Variants in MKRN2 observed in about 807,000 individuals in gnomAD.
MKRN2 encodes E3 ubiquitin-protein ligase makorin-2.
In MKRN2, 32 loss-of-function variants were observed where a neutral mutation model predicts 45.4. That is an observed-to-expected ratio of 0.70 (90% CI 0.53 to 0.95). The LOEUF (loss-of-function observed/expected upper bound fraction) is 0.95, where lower values mean the gene tolerates loss of function less well. MKRN2 is among the 40% of genes least tolerant of loss of function. MKRN2 has a pLI of 0.00. For synonymous variants in MKRN2, 206 were observed against 192.4 expected (o/e 1.07, Z -0.59); for missense variants, 526 against 536.7 (o/e 0.98, Z 0.20).
Position 12,575,014 on chromosome 3 carries a change from C to A in MKRN2, c.857+8C>A. The stretch of plus-strand genomic sequence containing the variant: ...TGAAAACCCAATCATTAAGTAAGTA[C>A]AGCCAGGGGTCTTAGCTGTGGGAGC... On this transcript the variant is annotated splice_region_variant and intron_variant, in intron 5 of 7. Coordinates refer to ENST00000170447, the MANE Select transcript of MKRN2 (RefSeq NM_014160.5). 2 of 1,611,106 alleles carry A rather than the reference C, an allele frequency of 1.2e-6. No homozygotes were observed. Among genetic ancestry groups the A allele is most frequent in the Non-Finnish European group, 1.7e-6 (2 of 1,177,306 alleles).
chr3:12,573,130 G>T (rs1043875373), intron 4 of MKRN2, among the ~76,000 whole-genome samples: 4 of 152,126 alleles, frequency 2.6e-5, no homozygotes, highest in African/African-American at 9.7e-5. Context: ...GGAGCCACTT[G>T]TTGGAAGGGC....
At chr3:12,568,598 A>G (rs2058082021) in intron 1 of MKRN2, among the ~76,000 whole-genome samples, 1 of 152,226 alleles carries the variant, frequency 6.6e-6, no homozygotes, top group Non-Finnish European at 1.5e-5. Flanking sequence ...TGTGGCTCAC[A>G]TTGAACATAT....
At chr3:12,579,290 G>A (rs1473910182) in intron 6 of MKRN2, among the ~76,000 whole-genome samples, 1 of 152,030 alleles carries the variant, frequency 6.6e-6, no homozygotes, top group Non-Finnish European at 1.5e-5. Flanking sequence ...TCAGCCTCCC[G>A]AGTAGCTGGG....
intron 6 of MKRN2, among the ~76,000 whole-genome samples, chr3:12,579,822 C>G (rs1316887546): frequency 1.3e-5 from 2 of 152,068 alleles, no homozygotes; most frequent in Non-Finnish European, 2.9e-5. Context: ...AGGTTGGGGC[C>G]AGGCGCAGTG....
At chr3:12,557,869 A>G (rs1424463305) in intron 1 of MKRN2, among the ~76,000 whole-genome samples, 2 of 152,244 alleles carry the variant, frequency 1.3e-5, no homozygotes, top group African/African-American at 4.8e-5. Flanking sequence ...ACGAGGAGAA[A>G]TGCGACGGTA....
Position 12,572,097 on chromosome 3 carries a change from C to T in MKRN2, c.366C>T (p.Thr122=). 6.2e-7 allele frequency: 1 copy of T among 1,611,444 alleles called. No individual in the cohort carries two copies. Among genetic ancestry groups the T allele is most frequent in the Non-Finnish European group, 8.5e-7 (1 of 1,178,552 alleles). The part of the protein sequence containing the change: ...RNLSGMAERK[T]QPSMVSNPGS... ...TCTCTGGCATGGCTGAAAGGAAGAC[C>T]CAGCCGAGCATGGTGAGTAATCCAG... Residue 122 remains threonine (T), a synonymous_variant, in exon 4 of 8, where the codon ACC becomes ACT. Coordinates refer to ENST00000170447, the MANE Select transcript of MKRN2 (RefSeq NM_014160.5).
chr3:12,575,448 C>G (rs941286273), intron 5 of MKRN2, among the ~76,000 whole-genome samples: 1 of 152,176 alleles, frequency 6.6e-6, no homozygotes, highest in Admixed American at 6.5e-5. Flanking sequence ...ATGCCTGGCA[C>G]ATGGGATGTG....
Position 12,572,337 on chromosome 3 carries a change from C to A in MKRN2, c.606C>A (p.His202Gln). 6.3e-7 allele frequency: 1 copy of A among 1,599,214 alleles called. No homozygotes were observed. ...AAATCTGTAGGCTGCAAGTCTTGCACCCATTCGACCCAGAGCAGAGGAAGG... is the reference window on the plus strand; with the variant it reads ...AAATCTGTAGGCTGCAAGTCTTGCAACCATTCGACCCAGAGCAGAGGAAGG... ...VCEICRLQVL[H>Q]PFDPEQRKAH... The change falls in exon 4 of 8, where the codon CAC (histidine) becomes CAA (glutamine). Residue 202 changes from histidine (H) to glutamine (Q), a missense_variant. Physicochemically the swap from His to Gln is conservative, Grantham distance 24. Transcript: ENST00000170447.
At position 12,561,126 on chromosome 3, in the gene MKRN2, ATGG is replaced by A. The variant is rs1392024638; in HGVS notation, c.26+3955_26+3957del. On this transcript the variant is annotated intron_variant, in intron 1 of 7. Transcript: ENST00000170447. The stretch of plus-strand genomic sequence containing the variant: ...ATACTTTCCTTTCTTGAAGGCAGTG[ATGG>A]TGGTCTAGAAATTATTTTTGAATCT... The A allele has an allele frequency of 3.9e-5, 6 of 152,322 alleles. No homozygotes were observed. The South Asian group carries it at 1.0e-3, about 26-fold the overall frequency. 9.4% of individuals were successfully genotyped at this position (152,322 alleles called of 1,614,324 possible).
rs200877703 is a variant in MKRN2 at position 12,568,901 on chromosome 3, A to C, written c.53A>C (p.Glu18Ala). ...TATTTTATGCATGGTGTGTGTCGGGAAGGAAGTCAGTGCCTATTCTCACAT... is the reference window on the plus strand; with the variant it reads ...TATTTTATGCATGGTGTGTGTCGGGCAGGAAGTCAGTGCCTATTCTCACAT... ...CRYFMHGVCREGSQCLFSHDL... is the reference protein window; with the variant it reads ...CRYFMHGVCRAGSQCLFSHDL... Residue 18 changes from glutamate to alanine, a missense_variant, in exon 2 of 8, where the codon GAA becomes GCA. Glu to Ala is a moderately radical substitution (Grantham distance 107). Transcript: ENST00000170447. 13 of 1,613,942 alleles carry C rather than the reference A, an allele frequency of 8.1e-6. No individual in the cohort carries two copies. In the Admixed American group the frequency reaches 2.2e-4, roughly 27 times the overall value.
At chr3:12,566,632 C>T (rs551142467) in intron 1 of MKRN2, among the ~76,000 whole-genome samples, 6 of 152,046 alleles carry the variant, frequency 3.9e-5, no homozygotes, top group East Asian at 1.9e-4. Context: ...GGTGGAGTTT[C>T]GCTCTTATTG....
chr3:12,558,469 C>T (rs1239378713), intron 1 of MKRN2, among the ~76,000 whole-genome samples: 3 of 152,194 alleles, frequency 2.0e-5, no homozygotes, highest in Non-Finnish European at 2.9e-5. Flanking sequence ...TTCCTCCCCT[C>T]GCTCTATGGT....
chr3:12,571,623 A>G (rs2058100086), intron 3 of MKRN2, among the ~76,000 whole-genome samples: 1 of 152,190 alleles, frequency 6.6e-6, no homozygotes, highest in Admixed American at 6.5e-5. Context: ...TGGCCTCAGG[A>G]CCCACAGATT....
intron 1 of MKRN2, among the ~76,000 whole-genome samples, chr3:12,566,458 C>T (rs1040253768): frequency 6.6e-6 from 1 of 150,704 alleles, no homozygotes; most frequent in Admixed American, 6.6e-5. Context: ...GTTTGTTTCT[C>T]TCTCTCTCTC....
chr3:12,575,524 G>A (rs574664426), intron 5 of MKRN2, among the ~76,000 whole-genome samples: 2 of 152,336 alleles, frequency 1.3e-5, no homozygotes, highest in South Asian at 2.1e-4. Flanking sequence ...GGCATGTGGA[G>A]AGGTTACTGC....
intron 1 of MKRN2, among the ~76,000 whole-genome samples, chr3:12,559,664 C>T (rs2058019731): frequency 6.6e-6 from 1 of 152,138 alleles, no homozygotes; most frequent in African/African-American, 2.4e-5. Context: ...AAAATGACTG[C>T]TCGTACAGTT....
chr3:12,559,667 G>A (rs1002013789), intron 1 of MKRN2, among the ~76,000 whole-genome samples: 1 of 152,050 alleles, frequency 6.6e-6, no homozygotes, highest in Non-Finnish European at 1.5e-5. Context: ...ATGACTGCTC[G>A]TACAGTTATG....
In MKRN2 at chr3:12,573,624, T is replaced by G. The variant is rs557667849; in HGVS notation, c.643-1168T>G. Reference sequence around the variant, plus strand: ...TTTATTTTATTTTGGCTGGGCACAGTGGCTCACGCCTGTAATCCCAGCACT... The same window carrying G: ...TTTATTTTATTTTGGCTGGGCACAGGGGCTCACGCCTGTAATCCCAGCACT... On this transcript the variant is annotated intron_variant, in intron 4 of 7. Coordinates refer to ENST00000170447, the MANE Select transcript of MKRN2 (RefSeq NM_014160.5). Among the ~76,000 whole-genome samples the G allele has an allele frequency of 2.0e-5, 3 of 152,304 alleles. No homozygotes were observed. In the South Asian group the frequency reaches 6.2e-4, roughly 32 times the overall value.
At chr3:12,578,160 T>TTTGTGGGA (rs1453063214) in intron 6 of MKRN2, among the ~76,000 whole-genome samples, 2 of 152,152 alleles carry the variant, frequency 1.3e-5, no homozygotes, top group Non-Finnish European at 2.9e-5. Context: ...GGCCCCTTAC[T>TTTGTGGGA]TTGTGGGATT....
Sources: gnomAD v4.1 joint callset for allele counts (sites outside exome capture counted in the v4.1 genomes callset) on GRCh38, gnomAD v4.1.1 for gene constraint, MANE v1.5 for transcripts, NCBI Gene and HGNC (gene_info 2026-07-23, HGNC 2026-07-21) for gene names.